Variants in NRG4 observed in about 807,000 individuals in gnomAD.
NRG4 encodes the protein pro-neuregulin-4, membrane-bound isoform.
NRG4 carries 10 observed loss-of-function variants against 15.0 expected under a neutral mutation model. That is an observed-to-expected ratio of 0.67 (90% CI 0.41 to 1.13). NRG4 has a LOEUF of 1.13. Among genes scored for constraint, NRG4 ranks in the 50% most tolerant of loss-of-function variants. The pLI, the probability that NRG4 is intolerant of heterozygous loss-of-function variation, is 0.00. For synonymous variants in NRG4, 41 were observed against 50.1 expected (o/e 0.82, Z 0.77); for missense variants, 139 against 140.2 (o/e 0.99, Z 0.04).
chr15:75,947,673 G>A (rs1390314087), intron 5 of NRG4, among the ~76,000 whole-genome samples: 1 of 152,212 alleles, frequency 6.6e-6, no homozygotes, highest in Non-Finnish European at 1.5e-5. Context: ...GGAATTGCTA[G>A]ATAATATGGA....
At chr15:75,970,096 C>G (rs1005253871) in intron 3 of NRG4, among the ~76,000 whole-genome samples, 1 of 152,088 alleles carries the variant, frequency 6.6e-6, no homozygotes, top group Non-Finnish European at 1.5e-5. Context: ...AAGAGTGCCA[C>G]GAGCCAGTCT....
intron 3 of NRG4, among the ~76,000 whole-genome samples, chr15:75,994,809 A>G (rs1191682259): frequency 6.6e-6 from 1 of 152,208 alleles, no homozygotes; most frequent in Non-Finnish European, 1.5e-5. Flanking sequence ...ACACAACAAT[A>G]TATTTGTAAT....
chr15:75,997,875 T>C (rs1695365), intron 3 of NRG4, among the ~76,000 whole-genome samples: 12,548 of 152,200 alleles, frequency 0.082, 1,234 homozygotes, highest in African/African-American at 0.24. Context: ...CATACTCTAC[T>C]GTCCAGAACC....
At chr15:76,002,761 CAATT>C (rs1596010273) in intron 3 of NRG4, among the ~76,000 whole-genome samples, 2 of 152,034 alleles carry the variant, frequency 1.3e-5, no homozygotes, top group East Asian at 3.9e-4. Flanking sequence ...ATAAAAGGGT[CAATT>C]AAACAAGAGC....
intron 4 of NRG4, among the ~76,000 whole-genome samples, chr15:76,051,446 G>T (rs1319114244): frequency 3.3e-5 from 5 of 150,798 alleles, no homozygotes; most frequent in African/African-American, 1.2e-4. Context: ...CAGCCTAAAA[G>T]TTGAATTCTA....
At chr15:75,979,235 T>C (rs1023823706) in intron 3 of NRG4, among the ~76,000 whole-genome samples, 1 of 152,218 alleles carries the variant, frequency 6.6e-6, no homozygotes, top group African/African-American at 2.4e-5. Context: ...CTATGCATTC[T>C]TCTAATAGTT....
chr15:76,050,800 CA>C, intron 4 of NRG4, among the ~76,000 whole-genome samples: 1 of 146,834 alleles, frequency 6.8e-6, no homozygotes, highest in South Asian at 2.1e-4. Flanking sequence ...TCCTGTTCTC[CA>C]AAACTAATTT....
chr15:75,978,260 AT>A (rs1394517877), intron 3 of NRG4, among the ~76,000 whole-genome samples: 2 of 152,094 alleles, frequency 1.3e-5, no homozygotes, highest in Non-Finnish European at 2.9e-5. Context: ...CCTGAGATCA[AT>A]ATTTTTTGGC....
intron 2 of NRG4, 44 bp downstream of exon 2, chr15:76,011,177 A>G (rs373933273): frequency 1.9e-5 from 26 of 1,345,896 alleles, no homozygotes; most frequent in Admixed American, 2.7e-5. Context: ...TTCTATTGCT[A>G]TGGACACATA....
intron 3 of NRG4, among the ~76,000 whole-genome samples, chr15:75,973,516 C>T (rs1414543376): frequency 6.6e-6 from 1 of 152,096 alleles, no homozygotes; most frequent in Non-Finnish European, 1.5e-5. Flanking sequence ...TCATAAATAG[C>T]TCTTACTATT....
intron 4 of NRG4, among the ~76,000 whole-genome samples, chr15:76,044,633 A>G (rs1298917558): frequency 6.7e-6 from 1 of 149,500 alleles, no homozygotes; most frequent in Non-Finnish European, 1.5e-5. Flanking sequence ...CAGGAGATCA[A>G]GACCATCCTG....
Position 75,952,809 on chromosome 15 carries a change from G to C in NRG4, c.331+3123C>G, listed in dbSNP as rs527240562. Reference sequence around the variant, plus strand: ...TAGTCATTTGTACATATTATTTGGAGAACTCTTTTCCAATCCTTTGCTCAT... The same window carrying C: ...TAGTCATTTGTACATATTATTTGGACAACTCTTTTCCAATCCTTTGCTCAT... On this transcript the variant is annotated intron_variant, in intron 5 of 5. Coordinates refer to ENST00000394907, the MANE Select transcript of NRG4 (RefSeq NM_138573.4). 5.3e-5 allele frequency among the ~76,000 whole-genome samples: 8 copies of C among 152,000 alleles called. No individual in the cohort carries two copies. In the South Asian group the frequency reaches 1.7e-3, roughly 32 times the overall value.
rs144089491 is a variant in NRG4 at position 75,974,962 on chromosome 15, C to T, written c.105-12988G>A. 7.5e-3 allele frequency among the ~76,000 whole-genome samples: 1,147 copies of T among 152,084 alleles called. 12 individuals carry two copies. The highest frequency in any genetic ancestry group is 0.026 in the African/African-American group (1,082 of 41,464). On this transcript the variant is annotated intron_variant, in intron 3 of 5. Transcript: ENST00000394907. ...ATTGACAGTGGGGTGTTAAAGTCTC[C>T]CACTATTATTGTGTGGGAGTCTAAG...
intron 5 of NRG4, among the ~76,000 whole-genome samples, chr15:76,029,036 A>T (rs2141939090): frequency 6.6e-6 from 1 of 152,296 alleles, no homozygotes; most frequent in Middle Eastern, 3.4e-3. Context: ...ATGAACATAG[A>T]TGTAAAATTC....
intron 2 of NRG4, 67 bp from the exon 3 acceptor site, chr15:76,009,360 G>A: frequency 8.8e-6 from 6 of 681,818 alleles, no homozygotes; most frequent in Middle Eastern, 2.6e-4. Flanking sequence ...ACAAGGAATA[G>A]GAATAACTAT....
chr15:75,988,733 T>C (rs1328543400), intron 3 of NRG4, among the ~76,000 whole-genome samples: 1 of 151,940 alleles, frequency 6.6e-6, no homozygotes, highest in Non-Finnish European at 1.5e-5. Context: ...GAGAAGTCAA[T>C]TGGAAAGAGA....
At position 75,943,075 on chromosome 15, in the gene NRG4, C is replaced by G. The variant is rs951413308; in HGVS notation, c.*563G>C. 6.6e-6 allele frequency: 1 copy of G among 152,184 alleles called. No individual in the cohort carries two copies. Among genetic ancestry groups the G allele is most frequent in the Non-Finnish European group, 1.5e-5 (1 of 68,032 alleles). The allele number at this position is 152,184 out of a possible 1,614,324, so 9.4% of individuals were successfully genotyped here. On this transcript the variant is annotated 3_prime_UTR_variant, in exon 6 of 6. Transcript: ENST00000394907. ...GGTTTTTGTTTCTTCCTTTGAGAGACAGATCCTTGAAATCAGTCACTTCTA... is the reference window on the plus strand; with the variant it reads ...GGTTTTTGTTTCTTCCTTTGAGAGAGAGATCCTTGAAATCAGTCACTTCTA...
At chr15:76,023,508 A>G (rs1283409763) in intron 5 of NRG4, among the ~76,000 whole-genome samples, 1 of 152,166 alleles carries the variant, frequency 6.6e-6, no homozygotes, top group African/African-American at 2.4e-5. Context: ...CCCCAAGTCC[A>G]GTTTGGAGAG....
intron 4 of NRG4, among the ~76,000 whole-genome samples, chr15:75,961,585 G>T (rs2032524279): frequency 6.6e-6 from 1 of 152,110 alleles, no homozygotes; most frequent in South Asian, 2.1e-4. Flanking sequence ...TAGTGAGTAT[G>T]GGTTTACCTT....
Sources: allele counts gnomAD v4.1 joint callset (sites outside exome capture counted in the v4.1 genomes callset), GRCh38; gene constraint gnomAD v4.1.1; transcripts MANE v1.5; gene names NCBI Gene and HGNC (gene_info 2026-07-23, HGNC 2026-07-21).